NEGR1: variants seen among roughly 807,000 people sequenced by gnomAD.
NEGR1 encodes the protein IgLON family member 4.
Under a neutral mutation model 40.9 loss-of-function variants are expected in NEGR1, and 10 were observed. That is an observed-to-expected ratio of 0.24 (90% CI 0.15 to 0.42). NEGR1 has a LOEUF of 0.42. Among genes scored for constraint, NEGR1 ranks in the 10% least tolerant of loss-of-function variants. The pLI, the probability that NEGR1 is intolerant of heterozygous loss-of-function variation, is 1.00. For missense variants in NEGR1, 352 were observed against 438.9 expected, an observed-to-expected ratio of 0.80 and a Z score of 1.77; for synonymous variants, 185 against 166.8, an observed-to-expected ratio of 1.11 and a Z score of -0.84.
chr1:71,923,971 C>T lies in NEGR1; in HGVS notation c.409+11108G>A, dbSNP rs950002864. Among the ~76,000 whole-genome samples, 6 of 151,526 alleles carry T rather than the reference C, an allele frequency of 4.0e-5. No homozygotes were observed. The South Asian group carries it at 8.3e-4, about 21-fold the overall frequency. ...TCACCCAGGCTGGAGTGCAGTGGCACGATCACCACTCACTGTAGCCTCCAC... is the reference window on the plus strand; with the variant it reads ...TCACCCAGGCTGGAGTGCAGTGGCATGATCACCACTCACTGTAGCCTCCAC... On this transcript the variant is annotated intron_variant, in intron 2 of 6. Transcript: ENST00000357731.
Position 71,731,723 on chromosome 1 carries a change from A to G in NEGR1, c.536-33584T>C, listed in dbSNP as rs938516200. The stretch of plus-strand genomic sequence containing the variant: ...ACCTTCCTCTGCAGGAGAAGATGCA[A>G]CACTGATATATTGTTTTCATATACA... On this transcript the variant is annotated intron_variant, in intron 3 of 6. Coordinates refer to ENST00000357731, the MANE Select transcript of NEGR1 (RefSeq NM_173808.3). Among the ~76,000 whole-genome samples, 14 of 152,198 alleles carry G rather than the reference A, an allele frequency of 9.2e-5. No homozygotes were observed. In the East Asian group the frequency reaches 2.7e-3, roughly 29 times the overall value.
At chr1:72,069,112 T>TA (rs1479909199) in intron 1 of NEGR1, among the ~76,000 whole-genome samples, 17 of 152,040 alleles carry the variant, frequency 1.1e-4, no homozygotes, top group Non-Finnish European at 2.1e-4. Context: ...TGTGTCAGTT[T>TA]AAGTATGTAA....
intron 1 of NEGR1, among the ~76,000 whole-genome samples, chr1:72,085,443 T>C (rs1350829418): frequency 2.6e-5 from 4 of 152,314 alleles, no homozygotes; most frequent in South Asian, 4.1e-4. Context: ...AGTTTTTGTT[T>C]TGAAAATGTT....
rs549132893 is a variant in NEGR1 at position 71,935,113 on chromosome 1, T to C, written c.375A>G (p.Thr125=). 1.2e-6 allele frequency: 2 copies of C among 1,612,400 alleles called. No individual in the cohort carries two copies. The highest frequency in any genetic ancestry group is 2.7e-5 in the African/African-American group (2 of 74,978). Residue 125 remains threonine (T), a synonymous_variant, in exon 2 of 7, where the codon ACA becomes ACG. Transcript: ENST00000357731. ...PYTCSVQTQH[T]PRTMQVHLTV... ...TTAGATGCACCTGCATTGTTCTGGG[T>C]GTATGTTGAGTCTGAACAGAACACG... is the stretch of plus-strand genomic sequence containing the variant.
At chr1:71,831,819 G>A (rs79768786) in intron 2 of NEGR1, among the ~76,000 whole-genome samples, 3 of 147,072 alleles carry the variant, frequency 2.0e-5, no homozygotes, top group South Asian at 2.1e-4. Context: ...AAAAAAAAAC[G>A]CAATGAGGCA....
intron 4 of NEGR1, among the ~76,000 whole-genome samples, chr1:71,628,067 C>CA (rs200840273): frequency 0.014 from 2,197 of 152,162 alleles, 32 homozygotes; most frequent in Non-Finnish European, 0.022. Context: ...AGTGACCACA[C>CA]AGGGAATGTA....
In NEGR1 at chr1:71,895,002, A is replaced by G. The variant is rs115899159; in HGVS notation, c.409+40077T>C. Among the ~76,000 whole-genome samples, 1,314 of 152,236 alleles carry G rather than the reference A, an allele frequency of 8.6e-3. 16 individuals are homozygous for G. The highest frequency in any genetic ancestry group is 0.03 in the African/African-American group (1,261 of 41,510). The stretch of plus-strand genomic sequence containing the variant: ...ATACACAATTTACTAACATTTATAG[A>G]AAATATCTATAAGCAGTCTGTAGGC... On this transcript the variant is annotated intron_variant, in intron 2 of 6. Transcript: ENST00000357731.
chr1:72,113,550 A>G lies in NEGR1; in HGVS notation c.176+168769T>C, dbSNP rs1347305769. ...TGTGTATGTGTGTGTGTGTGTTTAGAAAAGGAAGAATATCAGAAGCACTGT... is the reference window on the plus strand; with the variant it reads ...TGTGTATGTGTGTGTGTGTGTTTAGGAAAGGAAGAATATCAGAAGCACTGT... On this transcript the variant is annotated intron_variant, in intron 1 of 6. Coordinates refer to ENST00000357731, the MANE Select transcript of NEGR1 (RefSeq NM_173808.3). Among the ~76,000 whole-genome samples the G allele has an allele frequency of 4.0e-5, 6 of 151,600 alleles. No homozygotes were observed. In the East Asian group the frequency reaches 1.2e-3, roughly 29 times the overall value.
intron 2 of NEGR1, among the ~76,000 whole-genome samples, chr1:71,850,017 C>A (rs140140129): frequency 6.6e-6 from 1 of 151,988 alleles, no homozygotes; most frequent in Non-Finnish European, 1.5e-5. Context: ...GCAATGTCTC[C>A]CAAATATGCC....
intron 1 of NEGR1, among the ~76,000 whole-genome samples, chr1:72,036,607 G>T (rs1244824656): frequency 6.8e-6 from 1 of 146,758 alleles, no homozygotes; most frequent in Non-Finnish European, 1.5e-5. Context: ...AGTGAGCCGA[G>T]ATTGCGCTAT....
rs371760815 is a variant in NEGR1, at chr1:72,030,297, C to G, written c.177-94986G>C. ...ACAACCTCTGCCTCCCAGGATCCCT[C>G]CAGGGTTTAAATGATTCTCGTGCCT... On this transcript the variant is annotated intron_variant, in intron 1 of 6. Transcript: ENST00000357731. Among the ~76,000 whole-genome samples, 9 of 151,902 alleles carry G rather than the reference C, an allele frequency of 5.9e-5. No individual in the cohort carries two copies. In the East Asian group the frequency reaches 9.7e-4, roughly 16 times the overall value.
intron 1 of NEGR1, among the ~76,000 whole-genome samples, chr1:72,243,226 A>G (rs1001958271): frequency 4.0e-5 from 6 of 151,814 alleles, no homozygotes; most frequent in African/African-American, 1.4e-4. Flanking sequence ...CATCTCAATT[A>G]AAATCACTGA....
At chr1:72,189,890 T>A (rs1652755794) in intron 1 of NEGR1, among the ~76,000 whole-genome samples, 1 of 151,644 alleles carries the variant, frequency 6.6e-6, no homozygotes, top group Admixed American at 6.6e-5. Flanking sequence ...TAGGGCTGTG[T>A]GACCTAATGA....
chr1:71,712,139 G>A (rs542975161), intron 3 of NEGR1, among the ~76,000 whole-genome samples: 4 of 152,210 alleles, frequency 2.6e-5, no homozygotes, highest in South Asian at 2.1e-4. Context: ...CCATAAAACT[G>A]TATGCTACAA....
chr1:71,970,556 G>T (rs1646247431), intron 1 of NEGR1, among the ~76,000 whole-genome samples: 1 of 152,026 alleles, frequency 6.6e-6, no homozygotes, highest in African/African-American at 2.4e-5. Context: ...GCCAGGCATG[G>T]TAGTGCGTGC....
intron 1 of NEGR1, 95 bp downstream of exon 1, chr1:72,282,224 C>A: frequency 7.3e-7 from 1 of 1,371,384 alleles, no homozygotes. Flanking sequence ...GCACCACCAG[C>A]ATTATTGCTT....
At chr1:71,473,955 G>GCCTGAGCCTGCTGCTTGCCTGTA (rs1298389537) in intron 6 of NEGR1, among the ~76,000 whole-genome samples, 42 of 151,958 alleles carry the variant, frequency 2.8e-4, no homozygotes, top group African/African-American at 9.9e-4. Context: ...TAGATGTCTT[G>GCCTGAGCCTGCTGCTTGCCTGTA]CCTGAGCCTG....
At chr1:71,727,058 T>C (rs2101659331) in intron 3 of NEGR1, among the ~76,000 whole-genome samples, 1 of 152,220 alleles carries the variant, frequency 6.6e-6, no homozygotes, top group South Asian at 2.1e-4. Flanking sequence ...GCCAGAATTC[T>C]TGCTAACTTG....
intron 6 of NEGR1, among the ~76,000 whole-genome samples, chr1:71,504,508 G>T (rs1647019839): frequency 6.6e-6 from 1 of 151,972 alleles, no homozygotes; most frequent in Non-Finnish European, 1.5e-5. Flanking sequence ...CGGTTTAAAA[G>T]AAAATATCCT....
Sources: allele counts gnomAD v4.1 joint callset (sites outside exome capture counted in the v4.1 genomes callset), GRCh38; gene constraint gnomAD v4.1.1; transcripts MANE v1.5; gene names NCBI Gene and HGNC (gene_info 2026-07-23, HGNC 2026-07-21).